The following TASP1 variants were observed in gnomAD, a reference collection of about 807,000 sequenced individuals.
TASP1 encodes the protein threonine aspartase 1.
In TASP1, 16 loss-of-function variants were observed where a neutral mutation model predicts 56.6. The observed-to-expected ratio is 0.28, with a 90% CI of 0.19 to 0.43. The LOEUF (loss-of-function observed/expected upper bound fraction) is 0.43. Ranked by LOEUF, TASP1 falls within the 20% of genes least tolerant of loss-of-function variation. TASP1 has a pLI of 1.00. For synonymous variants in TASP1, 179 were observed against 184.2 expected (o/e 0.97, Z 0.23); for missense variants, 393 against 511.6 (o/e 0.77, Z 2.24).
chr20:13,336,095 A>G, the TASP1 span, among the ~76,000 whole-genome samples: 2 of 152,192 alleles, frequency 1.3e-5, no homozygotes, highest in Admixed American at 6.5e-5. Context: ...AACACATTAC[A>G]TAGAAAAGAA....
Position 13,629,931 on chromosome 20 carries a change from T to G in TASP1, c.145+3A>C. On this transcript the variant is annotated splice_donor_region_variant and intron_variant, in intron 2 of 13. Coordinates refer to ENST00000337743, the MANE Select transcript of TASP1 (RefSeq NM_017714.3). ...CATCTTCCAAGCCATCCACAAAGCT[T>G]ACCTGCATGCACCAACACAAAGCCT... The G allele has an allele frequency of 6.2e-7, 1 of 1,613,272 alleles. No homozygotes were observed. Among genetic ancestry groups the G allele is most frequent in the East Asian group, 2.2e-5 (1 of 44,842 alleles).
At chr20:13,404,332 G>A (rs887169560) in intron 13 of TASP1, among the ~76,000 whole-genome samples, 1 of 152,234 alleles carries the variant, frequency 6.6e-6, no homozygotes, top group Non-Finnish European at 1.5e-5. Flanking sequence ...CAGGTGTGCA[G>A]TGGCTCACAC....
At chr20:13,312,049 T>C in the TASP1 span, among the ~76,000 whole-genome samples, 1 of 145,078 alleles carries the variant, frequency 6.9e-6, no homozygotes, top group South Asian at 2.2e-4. Context: ...CAATTAATCA[T>C]TTGTCAGTTA....
At chr20:13,285,063 G>C in the TASP1 span, among the ~76,000 whole-genome samples, 395 of 152,310 alleles carry the variant, frequency 2.6e-3, 1 homozygote, top group African/African-American at 9.2e-3. Flanking sequence ...AAGGCAGGAG[G>C]ATTGCCTGAA....
intron 11 of TASP1, among the ~76,000 whole-genome samples, chr20:13,474,109 G>A (rs754938156): frequency 1.3e-5 from 2 of 152,160 alleles, no homozygotes; most frequent in Non-Finnish European, 2.9e-5. Context: ...GATTTTAACT[G>A]TTAAGGTTTT....
At chr20:13,559,293 G>T (rs2046264497) in intron 7 of TASP1, among the ~76,000 whole-genome samples, 179 bp from the exon 8 acceptor site, 1 of 152,064 alleles carries the variant, frequency 6.6e-6, no homozygotes, top group African/African-American at 2.4e-5. Flanking sequence ...AATAAATTAA[G>T]ATTTTAAAAT....
the TASP1 span, among the ~76,000 whole-genome samples, chr20:13,290,416 G>A: frequency 4.8e-4 from 73 of 152,338 alleles, no homozygotes; most frequent in African/African-American, 1.6e-3. Context: ...TTGGGAGGCC[G>A]AGGCGGGCAG....
chr20:13,529,222 C>T (rs2045115449), intron 9 of TASP1, among the ~76,000 whole-genome samples: 1 of 152,146 alleles, frequency 6.6e-6, no homozygotes, highest in Non-Finnish European at 1.5e-5. Context: ...CATCTGAAAC[C>T]ATCAGGTACA....
At chr20:13,402,047 G>A (rs2041757487) in intron 13 of TASP1, among the ~76,000 whole-genome samples, 1 of 152,106 alleles carries the variant, frequency 6.6e-6, no homozygotes, top group African/African-American at 2.4e-5. Context: ...GGGTCTACAA[G>A]TCAAGTAATA....
At chr20:13,438,594 G>A (rs900042226) in intron 11 of TASP1, among the ~76,000 whole-genome samples, 1 of 152,088 alleles carries the variant, frequency 6.6e-6, no homozygotes, top group Non-Finnish European at 1.5e-5. Flanking sequence ...CATAGCCATG[G>A]GCAAGGACTT....
the TASP1 span, among the ~76,000 whole-genome samples, chr20:13,298,057 A>G: frequency 7.9e-5 from 12 of 152,044 alleles, no homozygotes; most frequent in Non-Finnish European, 1.2e-4. Flanking sequence ...CTTTTCCATC[A>G]TATCATCACT....
At chr20:13,374,910 C>T in the TASP1 span, among the ~76,000 whole-genome samples, 6 of 152,300 alleles carry the variant, frequency 3.9e-5, no homozygotes, top group Admixed American at 3.9e-4. Flanking sequence ...CTTTGATTGT[C>T]TCTTTCCCCT....
chr20:13,483,393 A>C (rs2043210587), intron 10 of TASP1, 56 bp from the exon 11 acceptor site: 9 of 1,214,526 alleles, frequency 7.4e-6, no homozygotes, highest in Non-Finnish European at 9.1e-6. Flanking sequence ...CACCCTGCTT[A>C]TTTCAATAGC....
At chr20:13,564,336 A>G (rs749791622) in intron 7 of TASP1, among the ~76,000 whole-genome samples, 5 of 152,200 alleles carry the variant, frequency 3.3e-5, no homozygotes, top group Non-Finnish European at 7.3e-5. Flanking sequence ...CCCATTTACA[A>G]TAGCATCGAA....
At chr20:13,210,643 G>GTT in the TASP1 span, among the ~76,000 whole-genome samples, 1 of 151,144 alleles carries the variant, frequency 6.6e-6, no homozygotes, top group African/African-American at 2.4e-5. Flanking sequence ...GTGTGTGTGT[G>GTT]TGTGTAAACA....
At chr20:13,351,748 A>T in the TASP1 span, among the ~76,000 whole-genome samples, 1 of 152,216 alleles carries the variant, frequency 6.6e-6, no homozygotes, top group Non-Finnish European at 1.5e-5. Context: ...TACTGTATAC[A>T]CATGAAAATG....
At chr20:13,614,596 T>A in intron 4 of TASP1, 1 of 246,590 alleles carries the variant, frequency 4.1e-6, no homozygotes, top group Non-Finnish European at 8.2e-6. Context: ...TGCACTCACC[T>A]CCTTTCTATT....
At chr20:13,514,932 A>G (rs1361261703) in intron 10 of TASP1, among the ~76,000 whole-genome samples, 3 of 152,178 alleles carry the variant, frequency 2.0e-5, no homozygotes, top group Non-Finnish European at 4.4e-5. Context: ...AACTGTTTCT[A>G]CATTTTACAT....
chr20:13,467,534 G>C (rs1028583524), intron 11 of TASP1, among the ~76,000 whole-genome samples: 4 of 152,006 alleles, frequency 2.6e-5, no homozygotes, highest in Admixed American at 6.6e-5. Flanking sequence ...CAGTCAATTG[G>C]TACTTTGGTT....
Sources: allele counts gnomAD v4.1 joint callset (sites outside exome capture counted in the v4.1 genomes callset), GRCh38; gene constraint gnomAD v4.1.1; transcripts MANE v1.5; gene names NCBI Gene and HGNC (gene_info 2026-07-23, HGNC 2026-07-21).